The following CHRM3 variants were observed in gnomAD, a reference collection of about 807,000 sequenced individuals.
CHRM3 encodes cholinergic receptor muscarinic 3.
In CHRM3, 11 loss-of-function variants were observed where a neutral mutation model predicts 41.8. The observed-to-expected ratio is 0.26, with a 90% confidence interval of 0.17 to 0.44. The LOEUF (loss-of-function observed/expected upper bound fraction) is 0.44. Among genes scored for constraint, CHRM3 ranks in the 20% least tolerant of loss-of-function variants. The pLI, the probability that CHRM3 is intolerant of heterozygous loss-of-function variation, is 1.00. For synonymous variants in CHRM3, 297 were observed against 301.4 expected (o/e 0.99, Z 0.15); for missense variants, 571 against 745.4 (o/e 0.77, Z 2.72).
intron 5 of CHRM3, among the ~76,000 whole-genome samples, chr1:239,795,578 A>T (rs539031095): frequency 4.6e-5 from 7 of 152,320 alleles, no homozygotes; most frequent in Middle Eastern, 3.4e-3. Context: ...TTAAAGACAG[A>T]CAAGAACAAC....
intron 1 of CHRM3, among the ~76,000 whole-genome samples, chr1:239,435,609 C>T (rs749596253): frequency 6.6e-6 from 1 of 151,858 alleles, no homozygotes; most frequent in Non-Finnish European, 1.5e-5. Context: ...GTAGGCTAGA[C>T]ATTTGGAAGT....
chr1:239,870,485 C>G (rs923090519), intron 6 of CHRM3, among the ~76,000 whole-genome samples: 4 of 152,156 alleles, frequency 2.6e-5, no homozygotes, highest in Non-Finnish European at 5.9e-5. Context: ...CTAGACAGGC[C>G]AGCAATCCAG....
intron 3 of CHRM3, among the ~76,000 whole-genome samples, chr1:239,602,127 T>TATATACAC (rs1553337691): frequency 2.3e-5 from 3 of 132,654 alleles, no homozygotes; most frequent in African/African-American, 8.3e-5. Flanking sequence ...TATATATATA[T>TATATACAC]ATATATATAT....
chr1:239,606,457 G>A (rs1249932811), intron 3 of CHRM3, among the ~76,000 whole-genome samples: 1 of 152,072 alleles, frequency 6.6e-6, no homozygotes, highest in Non-Finnish European at 1.5e-5. Flanking sequence ...TGTATTTTTA[G>A]TAGAGACAAG....
intron 4 of CHRM3, among the ~76,000 whole-genome samples, chr1:239,661,302 T>G (rs560111048): frequency 1.3e-5 from 2 of 152,344 alleles, no homozygotes; most frequent in Admixed American, 1.3e-4. Context: ...GTCTGCTCCT[T>G]TGTAGTCTTA....
chr1:239,615,281 T>G (rs1667510069), intron 3 of CHRM3, among the ~76,000 whole-genome samples: 2 of 152,164 alleles, frequency 1.3e-5, no homozygotes, highest in South Asian at 4.1e-4. Context: ...TTATAAGAAC[T>G]GAGAATCGCT....
At chr1:239,765,801 A>AGTATTTTCTTT (rs2148684522) in intron 5 of CHRM3, among the ~76,000 whole-genome samples, 1 of 151,622 alleles carries the variant, frequency 6.6e-6, no homozygotes, top group African/African-American at 2.4e-5. Context: ...AAAATGAATG[A>AGTATTTTCTTT]GTATTTTCTT....
chr1:239,720,119 G>A lies in CHRM3; in HGVS notation c.-147+41831G>A, dbSNP rs1662811297. On this transcript the variant is annotated intron_variant, in intron 5 of 6. Transcript: ENST00000676153. ...AGAGCTAAGACTTGCAAACCGTGTT[G>A]TATCTGTGTCTTTACTTACTATGGT... 1.3e-5 allele frequency: 2 copies of A among 152,050 alleles called. 1 individual carries two copies. Among genetic ancestry groups the A allele is most frequent in the South Asian group, 4.1e-4 (2 of 4,822 alleles). 9.4% of individuals were successfully genotyped at this position (152,050 alleles called of 1,614,324 possible). A position where few individuals can be genotyped will look rare whatever the true frequency, so the allele number is the denominator to read the frequency against.
In CHRM3 at chr1:239,445,459, C is replaced by T. The variant is rs187038050; in HGVS notation, c.-520-47250C>T. ...AGTAGGAGCTGGAATGGAAACAGGA[C>T]GGCATTAATGTTTCATAGCACTTTG... On this transcript the variant is annotated intron_variant, in intron 1 of 6. Transcript: ENST00000676153. 1.8e-4 allele frequency among the ~76,000 whole-genome samples: 28 copies of T among 152,244 alleles called. No individual in the cohort carries two copies. The East Asian group carries it at 1.9e-3, about 11-fold the overall frequency.
intron 3 of CHRM3, among the ~76,000 whole-genome samples, chr1:239,560,774 C>G (rs1660782383): frequency 6.6e-6 from 1 of 151,956 alleles, no homozygotes; most frequent in Non-Finnish European, 1.5e-5. Flanking sequence ...ATCCGTGACC[C>G]CTAAAATTCA....
chr1:239,788,584 G>A (rs1284612534), intron 5 of CHRM3, among the ~76,000 whole-genome samples: 3 of 152,084 alleles, frequency 2.0e-5, no homozygotes, highest in Admixed American at 6.6e-5. Flanking sequence ...TGAGCAACAT[G>A]GTGAAACCCC....
At chr1:239,659,660 A>G (rs988944621) in intron 4 of CHRM3, among the ~76,000 whole-genome samples, 1 of 152,216 alleles carries the variant, frequency 6.6e-6, no homozygotes, top group Non-Finnish European at 1.5e-5. Context: ...AGTGCCTACC[A>G]TAATGGACAA....
chr1:239,542,396 C>T (rs971057087), intron 2 of CHRM3, among the ~76,000 whole-genome samples: 2 of 152,066 alleles, frequency 1.3e-5, no homozygotes, highest in East Asian at 1.9e-4. Context: ...AAGTATGGAG[C>T]GTAGGAGAGA....
chr1:239,813,881 C>T (rs1170455332), intron 5 of CHRM3, among the ~76,000 whole-genome samples: 1 of 133,422 alleles, frequency 7.5e-6, no homozygotes, highest in South Asian at 2.4e-4. Flanking sequence ...CCCGCCACTG[C>T]ACTCCAGCCT....
chr1:239,529,976 C>A (rs1032168924), intron 2 of CHRM3, among the ~76,000 whole-genome samples: 3 of 152,050 alleles, frequency 2.0e-5, no homozygotes, highest in Non-Finnish European at 1.5e-5. Flanking sequence ...CGGCTCACTG[C>A]AAGCTCCGCC....
intron 4 of CHRM3, among the ~76,000 whole-genome samples, chr1:239,677,720 A>G (rs1316444962): frequency 6.6e-6 from 1 of 152,196 alleles, no homozygotes; most frequent in Non-Finnish European, 1.5e-5. Flanking sequence ...ACCTCTTACT[A>G]CTGTGACACT....
intron 1 of CHRM3, among the ~76,000 whole-genome samples, chr1:239,417,579 G>GTTTTTTTTTTTTTTTTTTTT (rs34926014): frequency 4.1e-5 from 5 of 122,666 alleles, no homozygotes; most frequent in African/African-American, 9.1e-5. Flanking sequence ...AGATTAATTT[G>GTTTTTTTTTTTTTTTTTTTT]TTTTTTTTTT....
At chr1:239,814,821 C>T (rs546028254) in intron 5 of CHRM3, among the ~76,000 whole-genome samples, 4 of 152,250 alleles carry the variant, frequency 2.6e-5, no homozygotes, top group African/African-American at 7.2e-5. Context: ...CTTTCTCTGT[C>T]GCCCAGACTA....
intron 2 of CHRM3, among the ~76,000 whole-genome samples, chr1:239,519,738 G>GTTATT: frequency 1.0e-5 from 1 of 99,008 alleles, no homozygotes. Context: ...TTAAAAACTA[G>GTTATT]TTCTTTTTTT....
Sources: gnomAD v4.1 joint callset for allele counts (sites outside exome capture counted in the v4.1 genomes callset) on GRCh38, gnomAD v4.1.1 for gene constraint, MANE v1.5 for transcripts, NCBI Gene and HGNC (gene_info 2026-07-23, HGNC 2026-07-21) for gene names.